Variants in SLC14A2 observed in about 807,000 individuals in gnomAD.
The protein encoded by SLC14A2 is urea transporter 2.
A neutral mutation model predicts 104.6 loss-of-function variants in SLC14A2; 91 were observed. The ratio of observed to expected loss-of-function variants is 0.87; its 90% confidence interval spans 0.73 to 1.04. The LOEUF is 1.04. Among genes scored for constraint, SLC14A2 ranks in the 50% least tolerant of loss-of-function variants. The probability of loss-of-function intolerance (pLI) is 0.00; values close to 1 mark genes in which losing one functional copy is unlikely to be tolerated. For missense variants in SLC14A2, 1,189 were observed against 1,156.0 expected, an observed-to-expected ratio of 1.03 and a Z score of -0.41; for synonymous variants, 476 against 466.4, an observed-to-expected ratio of 1.02 and a Z score of -0.27.
chr18:45,602,760 C>T (rs2044810726), intron 2 of SLC14A2, among the ~76,000 whole-genome samples: 1 of 152,196 alleles, frequency 6.6e-6, no homozygotes, highest in Admixed American at 6.5e-5. Context: ...TGGTAAAATG[C>T]AGACACTTGT....
chr18:45,179,200 T>A, the SLC14A2 span, among the ~76,000 whole-genome samples: 52 of 152,200 alleles, frequency 3.4e-4, no homozygotes, highest in African/African-American at 1.2e-3. Flanking sequence ...CCTTCATCAA[T>A]TTCTATGGAT....
At chr18:45,263,971 C>T (rs1299204122) in intron 1 of SLC14A2, among the ~76,000 whole-genome samples, 1 of 152,152 alleles carries the variant, frequency 6.6e-6, no homozygotes, top group Non-Finnish European at 1.5e-5. Flanking sequence ...ACTATTATGA[C>T]ATTACTCCTA....
chr18:45,496,700 T>C (rs1415607191), intron 2 of SLC14A2, among the ~76,000 whole-genome samples: 1 of 152,206 alleles, frequency 6.6e-6, no homozygotes, highest in African/African-American at 2.4e-5. Context: ...GGAGAACTGC[T>C]TGAACCCAGG....
intron 1 of SLC14A2, among the ~76,000 whole-genome samples, chr18:45,371,323 GTGT>G (rs1302418439): frequency 6.6e-6 from 1 of 151,974 alleles, no homozygotes; most frequent in Non-Finnish European, 1.5e-5. Flanking sequence ...TCCCCACGCA[GTGT>G]TGAAAAGTGA....
intron 2 of SLC14A2, among the ~76,000 whole-genome samples, chr18:45,487,016 A>G (rs1044543726): frequency 2.0e-5 from 3 of 152,244 alleles, no homozygotes; most frequent in Non-Finnish European, 4.4e-5. Context: ...CATTGCTGCT[A>G]TAATTAATTA....
intron 5 of SLC14A2, among the ~76,000 whole-genome samples, chr18:45,634,142 C>T (rs150592950): frequency 6.6e-6 from 1 of 152,180 alleles, no homozygotes; most frequent in South Asian, 2.1e-4. Context: ...GCTACTACTC[C>T]AGTGCATTCA....
chr18:45,434,280 G>C (rs1223074437), intron 1 of SLC14A2, among the ~76,000 whole-genome samples: 1 of 152,166 alleles, frequency 6.6e-6, no homozygotes, highest in Non-Finnish European at 1.5e-5. Flanking sequence ...AAGACTGATG[G>C]GTTGAGAGTC....
chr18:45,519,269 G>A (rs2043483488), intron 2 of SLC14A2, among the ~76,000 whole-genome samples: 1 of 152,142 alleles, frequency 6.6e-6, no homozygotes, highest in Admixed American at 6.5e-5. Flanking sequence ...AACCCATGAA[G>A]GCAACAGAAG....
intron 1 of SLC14A2, among the ~76,000 whole-genome samples, chr18:45,357,352 C>A (rs1251199406): frequency 2.6e-5 from 4 of 151,610 alleles, no homozygotes; most frequent in African/African-American, 9.7e-5. Flanking sequence ...TGGCTCACGC[C>A]TGTAATCCTA....
At chr18:45,521,678 T>C (rs1279696483) in intron 2 of SLC14A2, among the ~76,000 whole-genome samples, 1 of 152,086 alleles carries the variant, frequency 6.6e-6, no homozygotes, top group African/African-American at 2.4e-5. Flanking sequence ...ACCTTTAAAA[T>C]CCATTGTATT....
chr18:45,679,746 G>A (rs2046285219), intron 19 of SLC14A2, among the ~76,000 whole-genome samples: 1 of 152,236 alleles, frequency 6.6e-6, no homozygotes, highest in Non-Finnish European at 1.5e-5. Context: ...GTAAAAATGG[G>A]TGGCTTGGAC....
At chr18:45,220,941 C>T (rs2084055657) in intron 1 of SLC14A2, among the ~76,000 whole-genome samples, 1 of 152,168 alleles carries the variant, frequency 6.6e-6, no homozygotes, top group South Asian at 2.1e-4. Flanking sequence ...ATGTACATTC[C>T]TGGTGTCTCT....
At chr18:45,282,886 T>C (rs547907542) in intron 1 of SLC14A2, among the ~76,000 whole-genome samples, 7 of 152,182 alleles carry the variant, frequency 4.6e-5, no homozygotes, top group Non-Finnish European at 1.0e-4. Context: ...AACTTGTGCA[T>C]TTGTGCAAGT....
At chr18:45,591,932 G>A (rs542380062) in intron 2 of SLC14A2, among the ~76,000 whole-genome samples, 45 of 152,362 alleles carry the variant, frequency 3.0e-4, no homozygotes, top group African/African-American at 1.0e-3. Flanking sequence ...ACATGGGGAA[G>A]CATGCAGAGT....
At chr18:45,450,617 A>G (rs559613890) in intron 1 of SLC14A2, among the ~76,000 whole-genome samples, 9 of 152,342 alleles carry the variant, frequency 5.9e-5, no homozygotes, top group African/African-American at 2.2e-4. Context: ...GAATTAAATG[A>G]GTACCACTGC....
chr18:45,450,723 A>T (rs2852298), intron 1 of SLC14A2, among the ~76,000 whole-genome samples: 1 of 152,236 alleles, frequency 6.6e-6, no homozygotes, highest in Non-Finnish European at 1.5e-5. Context: ...ATCAACAAGT[A>T]AATATTAACT....
chr18:45,594,422 C>T (rs1226877174), intron 2 of SLC14A2, among the ~76,000 whole-genome samples: 1 of 152,170 alleles, frequency 6.6e-6, no homozygotes, highest in Non-Finnish European at 1.5e-5. Flanking sequence ...GAAAATGGCA[C>T]CGCAGGTTTT....
At chr18:45,233,500 C>T (rs1248697664) in intron 1 of SLC14A2, among the ~76,000 whole-genome samples, 1 of 152,078 alleles carries the variant, frequency 6.6e-6, no homozygotes, top group East Asian at 1.9e-4. Flanking sequence ...ACAAAAAAGT[C>T]CCCTATTTCA....
At chr18:45,377,991 C>A (rs1467848527) in intron 1 of SLC14A2, among the ~76,000 whole-genome samples, 2 of 152,296 alleles carry the variant, frequency 1.3e-5, no homozygotes, top group African/African-American at 4.8e-5. Flanking sequence ...ATCCTACCCC[C>A]AACAATCACC....
Sources: allele counts gnomAD v4.1 joint callset (sites outside exome capture counted in the v4.1 genomes callset), GRCh38; gene constraint gnomAD v4.1.1; transcripts MANE v1.5; gene names NCBI Gene and HGNC (gene_info 2026-07-23, HGNC 2026-07-21).